GLIS3: variants seen among roughly 807,000 people sequenced by gnomAD.
GLIS3 encodes zinc finger protein GLIS3.
Under a neutral mutation model 78.6 loss-of-function variants are expected in GLIS3, and 53 were observed. The ratio of observed to expected loss-of-function variants is 0.67; its 90% CI spans 0.54 to 0.85. The LOEUF (loss-of-function observed/expected upper bound fraction) is 0.85. Among genes scored for constraint, GLIS3 ranks in the 40% least tolerant of loss-of-function variants. The pLI is 0.00. For synonymous variants in GLIS3, 684 were observed against 509.9 expected, an observed-to-expected ratio of 1.34 and a Z score of -4.60; for missense variants, 1,703 against 1,231.1, an observed-to-expected ratio of 1.38 and a Z score of -5.74.
chr9:4,089,734 G>A (rs1010841395), intron 4 of GLIS3, among the ~76,000 whole-genome samples: 4 of 151,984 alleles, frequency 2.6e-5, no homozygotes, highest in African/African-American at 4.8e-5. Flanking sequence ...TGGGAGGATC[G>A]CTTGAGTCCA....
chr9:4,192,766 C>G (rs907435929), intron 2 of GLIS3, among the ~76,000 whole-genome samples: 2 of 150,830 alleles, frequency 1.3e-5, no homozygotes, highest in East Asian at 3.9e-4. Context: ...CTAGGGAAAC[C>G]TCTTAGTGAA....
Position 4,269,721 on chromosome 9 carries a change from T to A in GLIS3, c.388+16317A>T, listed in dbSNP as rs139178093. On this transcript the variant is annotated intron_variant, in intron 2 of 10. Coordinates refer to ENST00000381971, the MANE Select transcript of GLIS3 (RefSeq NM_001042413.2). ...CAGTTAGGAAATTATATTGATTTTTTAAAATTATTAGTATTGGTAAATAAT... is the reference window on the plus strand; with the variant it reads ...CAGTTAGGAAATTATATTGATTTTTAAAAATTATTAGTATTGGTAAATAAT... Among the ~76,000 whole-genome samples the A allele has an allele frequency of 3.4e-3, 512 of 152,354 alleles. 4 individuals are homozygous for A. Among genetic ancestry groups the A allele is most frequent in the African/African-American group, 0.012 (490 of 41,582 alleles).
chr9:4,374,498 T>G, the GLIS3 span, among the ~76,000 whole-genome samples: 508 of 152,362 alleles, frequency 3.3e-3, 2 homozygotes, highest in African/African-American at 0.011. Flanking sequence ...TCACACAGGC[T>G]CAGCCTGAAG....
intron 4 of GLIS3, among the ~76,000 whole-genome samples, chr9:3,999,690 C>G (rs1449666114): frequency 6.6e-6 from 1 of 152,006 alleles, no homozygotes; most frequent in Non-Finnish European, 1.5e-5. Flanking sequence ...GTTAATGATT[C>G]TATAATTGAT....
chr9:3,887,242 A>G (rs1348996329), intron 7 of GLIS3, among the ~76,000 whole-genome samples: 4 of 152,198 alleles, frequency 2.6e-5, no homozygotes, highest in Admixed American at 2.6e-4. Context: ...AAATGACACC[A>G]CCCGTACATC....
At chr9:4,470,792 T>C in the GLIS3 span, among the ~76,000 whole-genome samples, 1 of 151,776 alleles carries the variant, frequency 6.6e-6, no homozygotes, top group Admixed American at 6.6e-5. Flanking sequence ...GGTATTCAAT[T>C]AGGAAAAGAG....
chr9:3,953,797 A>AT (rs1563886703), intron 4 of GLIS3, among the ~76,000 whole-genome samples: 38 of 32,004 alleles, frequency 1.2e-3, no homozygotes, highest in Middle Eastern at 0.036. Flanking sequence ...CTCTCTCTCT[A>AT]TATATATATA....
At chr9:4,443,500 A>G in the GLIS3 span, among the ~76,000 whole-genome samples, 2 of 152,232 alleles carry the variant, frequency 1.3e-5, no homozygotes, top group Non-Finnish European at 2.9e-5. Context: ...AACAATGAAG[A>G]TGCAGTTTCT....
intron 2 of GLIS3, among the ~76,000 whole-genome samples, chr9:4,206,975 C>T (rs912833736): frequency 2.6e-5 from 4 of 152,232 alleles, no homozygotes; most frequent in African/African-American, 9.6e-5. Flanking sequence ...TACTCACTGA[C>T]GCCAAATACA....
intron 2 of GLIS3, among the ~76,000 whole-genome samples, chr9:4,262,482 G>T (rs548051370): frequency 6.6e-6 from 1 of 152,034 alleles, no homozygotes; most frequent in South Asian, 2.1e-4. Context: ...TCACTCTGGC[G>T]TCTCAGGTAT....
chr9:4,223,130 T>C (rs1435977396), intron 2 of GLIS3, among the ~76,000 whole-genome samples: 1 of 152,198 alleles, frequency 6.6e-6, no homozygotes, highest in East Asian at 1.9e-4. Flanking sequence ...TGAGATAATC[T>C]GGTCCAAATT....
chr9:4,126,944 G>T (rs1832623762), intron 2 of GLIS3, among the ~76,000 whole-genome samples: 1 of 152,126 alleles, frequency 6.6e-6, no homozygotes. Context: ...AGGAAGAAAA[G>T]TGTCACTGTC....
intron 2 of GLIS3, among the ~76,000 whole-genome samples, chr9:4,153,966 G>C (rs1834869372): frequency 6.6e-6 from 1 of 152,192 alleles, no homozygotes; most frequent in Non-Finnish European, 1.5e-5. Flanking sequence ...GTCATCTGAA[G>C]GGTGGGCTGG....
chr9:3,854,622 C>T (rs890755470), intron 9 of GLIS3, among the ~76,000 whole-genome samples: 10 of 152,012 alleles, frequency 6.6e-5, no homozygotes, highest in African/African-American at 1.4e-4. Flanking sequence ...CTGCCAGTTC[C>T]GCCTCCCGGG....
At chr9:4,425,431 C>A in the GLIS3 span, among the ~76,000 whole-genome samples, 1 of 152,212 alleles carries the variant, frequency 6.6e-6, no homozygotes, top group Non-Finnish European at 1.5e-5. Context: ...TGCCTTCCTG[C>A]CCTCAGTCAC....
chr9:3,850,068 A>G (rs1379186920), intron 9 of GLIS3, among the ~76,000 whole-genome samples: 2 of 152,252 alleles, frequency 1.3e-5, no homozygotes, highest in Non-Finnish European at 2.9e-5. Context: ...ATTGGGTCAG[A>G]CCACTGAAAA....
chr9:3,859,350 AACACACACACACACACACACACACACAC>A (rs34973607), intron 8 of GLIS3, among the ~76,000 whole-genome samples: 61,048 of 148,912 alleles, frequency 0.41, 12,723 homozygotes, highest in South Asian at 0.48. Flanking sequence ...GTTTCTTCGA[AACACACACACACACACACACACACACAC>A]ACACACACAC....
At chr9:4,355,095 C>T in the GLIS3 span, among the ~76,000 whole-genome samples, 1 of 151,348 alleles carries the variant, frequency 6.6e-6, no homozygotes, top group African/African-American at 2.4e-5. Context: ...CACACCACTG[C>T]ACTCTTAGCC....
the GLIS3 span, among the ~76,000 whole-genome samples, chr9:4,397,819 A>G: frequency 3.3e-5 from 5 of 151,816 alleles, no homozygotes; most frequent in African/African-American, 1.2e-4. Context: ...TACATACACG[A>G]AAGCACCGCT....
Sources: gnomAD v4.1 joint callset for allele counts (sites outside exome capture counted in the v4.1 genomes callset) on GRCh38, gnomAD v4.1.1 for gene constraint, MANE v1.5 for transcripts, NCBI Gene and HGNC (gene_info 2026-07-23, HGNC 2026-07-21) for gene names.